The following ARAP1 variants were observed in gnomAD, a reference collection of about 807,000 sequenced individuals.
ARAP1 encodes arf-GAP with Rho-GAP domain, ANK repeat and PH domain-containing protein 1.
In ARAP1, 76 loss-of-function variants were observed where a neutral mutation model predicts 172.2. The ratio of observed to expected loss-of-function variants is 0.44; its 90% CI spans 0.37 to 0.53. The LOEUF is 0.53. Among genes scored for constraint, ARAP1 ranks in the 20% least tolerant of loss-of-function variants. The pLI is 0.00. For synonymous variants in ARAP1, 804 were observed against 803.3 expected (o/e 1.00, Z -0.01); for missense variants, 1,686 against 1,977.5 (o/e 0.85, Z 2.80).
chr11:72,688,642 C>T, intron 30 of ARAP1, 105 bp from the exon 31 acceptor site: 1 of 945,994 alleles, frequency 1.1e-6, no homozygotes. Flanking sequence ...GCCCTCTTTG[C>T]ATCCCAGCAC....
chr11:72,702,908 T>C lies in ARAP1; in HGVS notation c.2164A>G (p.Thr722Ala). The C allele has an allele frequency of 6.4e-7, 1 of 1,553,522 alleles. No homozygotes were observed. The highest frequency in any genetic ancestry group is 8.7e-7 in the Non-Finnish European group (1 of 1,148,116). Residue 722 changes from threonine to alanine, a missense_variant, in exon 15 of 35, where the codon ACA becomes GCA. Coordinates refer to ENST00000393609, the MANE Select transcript of ARAP1 (RefSeq NM_001040118.3). ...CCCCACCCTCTGCCACGCTCACCTGTGGTCCGGTTGTTCCGAAGGAATTCC... is the reference window on the plus strand; with the variant it reads ...CCCCACCCTCTGCCACGCTCACCTGCGGTCCGGTTGTTCCGAAGGAATTCC... ...QMEFLRNNRT[T>A]EVPRLDSMKP... is the part of the protein sequence containing the mutation.
Position 72,693,180 on chromosome 11 carries a change from T to G in ARAP1, c.3954+145A>C. 3 of 1,272,646 alleles carry G rather than the reference T, an allele frequency of 2.4e-6. No homozygotes were observed. Among genetic ancestry groups the G allele is most frequent in the Non-Finnish European group, 3.2e-6 (3 of 938,164 alleles). The allele number at this position is 1,272,646 out of a possible 1,614,324, so 78.8% of individuals were successfully genotyped here. A position where few individuals can be genotyped will look rare whatever the true frequency, so the allele number is the denominator to read the frequency against. On this transcript the variant is annotated intron_variant, in intron 29 of 34. Coordinates refer to ENST00000393609, the MANE Select transcript of ARAP1 (RefSeq NM_001040118.3). This position sits in a 1 kb window ranked among gnomAD's most constrained non-coding sequence, Gnocchi z 4.6. ...TCCAGGGCCACAGCAGGAGGGGTCTTGAGAGTCTACAGTTCTCCCCCACTG... is the reference window on the plus strand; with the variant it reads ...TCCAGGGCCACAGCAGGAGGGGTCTGGAGAGTCTACAGTTCTCCCCCACTG...
chr11:72,696,623 C>T lies in ARAP1; in HGVS notation c.3198G>A (p.Arg1066=). 6.2e-7 allele frequency: 1 copy of T among 1,605,266 alleles called. No individual in the cohort carries two copies. The highest frequency in any genetic ancestry group is 8.5e-7 in the Non-Finnish European group (1 of 1,174,536). ...EIEDEEEKVS[R]YRELLVRLPP... is the part of the protein sequence containing the mutation. ...GCAGCCGCACCAGCAGCTCTCGGTA[C>T]CTGGAGACCTTCTCCTCCTCGTCCT... The change falls in exon 23 of 35, where the codon AGG becomes AGA. Residue 1066 remains arginine, a synonymous_variant. Transcript: ENST00000393609.
At chr11:72,702,816 G>A in intron 15 of ARAP1, 89 bp downstream of exon 15, 1 of 1,469,526 alleles carries the variant, frequency 6.8e-7, no homozygotes, top group East Asian at 2.5e-5. Context: ...CCCTTGAGGA[G>A]CTGCGATCAC....
intron 33 of ARAP1, among the ~76,000 whole-genome samples, chr11:72,687,069 C>A (rs1052874977): frequency 6.6e-6 from 1 of 152,200 alleles, no homozygotes; most frequent in Non-Finnish European, 1.5e-5. Flanking sequence ...GAAGTCATCC[C>A]CCTCCTCTAT....
chr11:72,742,295 T>C (rs1858223720), intron 1 of ARAP1, among the ~76,000 whole-genome samples: 2 of 152,190 alleles, frequency 1.3e-5, no homozygotes, highest in South Asian at 4.1e-4. Context: ...CAAAAGGTCG[T>C]GTTTATGCAG....
At chr11:72,740,371 C>A (rs532945432) in intron 1 of ARAP1, among the ~76,000 whole-genome samples, 1 of 152,200 alleles carries the variant, frequency 6.6e-6, no homozygotes, top group Non-Finnish European at 1.5e-5. Context: ...CACTTTCAGG[C>A]CTCACGCTAA....
chr11:72,752,198 A>G (rs1483595644), intron 1 of ARAP1, 130 bp downstream of exon 1: 1 of 152,190 alleles, frequency 6.6e-6, no homozygotes, highest in African/African-American at 2.4e-5. Flanking sequence ...CCAAAAAGGT[A>G]AACAGACAAG....
chr11:72,694,317 C>T (rs988768550), intron 27 of ARAP1, among the ~76,000 whole-genome samples: 5 of 151,832 alleles, frequency 3.3e-5, no homozygotes, highest in Admixed American at 2.0e-4. Flanking sequence ...ACTAGCCCTC[C>T]GATGGTCTTG....
At chr11:72,696,453 C>T in intron 23 of ARAP1, 96 bp downstream of exon 23, 1 of 1,000,716 alleles carries the variant, frequency 1.0e-6, no homozygotes, top group Non-Finnish European at 1.4e-6. Flanking sequence ...GGTGCAAAAG[C>T]CCAGCTGGCT....
chr11:72,689,954 C>T (rs139577324), intron 30 of ARAP1, among the ~76,000 whole-genome samples: 1,957 of 152,240 alleles, frequency 0.013, 23 homozygotes, highest in South Asian at 0.037. Context: ...CTAGAGCAAT[C>T]GGCCTGCAAA....
chr11:72,697,987 A>G lies in ARAP1; in HGVS notation c.2661T>C (p.Ser887=), dbSNP rs893315570. ...GGAAGACAGCACGGAGCTCCGAGCC[A>G]CTGAGAGAGAACCAGCCCTCCTGGG... The part of the protein sequence containing the change: ...QRAQEGWFSL[S]GSELRAVFPE... The change falls in exon 19 of 35, where the codon AGT becomes AGC. Residue 887 remains serine (S), a synonymous_variant. Coordinates refer to ENST00000393609, the MANE Select transcript of ARAP1 (RefSeq NM_001040118.3). 16 of 1,612,280 alleles carry G rather than the reference A, an allele frequency of 9.9e-6. 1 individual carries two copies. The Admixed American group carries it at 2.0e-4, about 20-fold the overall frequency.
Position 72,710,989 on chromosome 11 carries a change from T to TAC in ARAP1, c.1213+30_1213+31dup, listed in dbSNP as rs745952731. The TAC allele has an allele frequency of 1.8e-5, 29 of 1,610,216 alleles. No homozygotes were observed. The South Asian group carries it at 1.9e-4, about 10-fold the overall frequency. ...ACTTCCAGTCTTCTCTACCCTCTTC[T>TAC]ACACACACACACAACACCCCACACT... On this transcript the variant is annotated intron_variant, in intron 9 of 34. Coordinates refer to ENST00000393609, the MANE Select transcript of ARAP1 (RefSeq NM_001040118.3). This position sits in a 1 kb window ranked among gnomAD's most constrained non-coding sequence, Gnocchi z 4.3.
chr11:72,751,481 T>C (rs1858529164), intron 1 of ARAP1, among the ~76,000 whole-genome samples: 1 of 151,956 alleles, frequency 6.6e-6, no homozygotes, highest in African/African-American at 2.4e-5. Context: ...CTGGGCAGTC[T>C]CTCCCAGCCT....
At chr11:72,721,724 AAGAGAAGGG>A (rs1395320238) in intron 3 of ARAP1, 1 of 855,442 alleles carries the variant, frequency 1.2e-6, no homozygotes. Flanking sequence ...AAGAGAAAAA[AAGAGAAGGG>A]GGAGGAGAGC....
chr11:72,703,125 C>T (rs1174781733), intron 14 of ARAP1, 46 bp from the exon 15 acceptor site: 1 of 1,481,240 alleles, frequency 6.8e-7, no homozygotes, highest in South Asian at 1.4e-5. Context: ...AGTAGGGGGC[C>T]CACAAGGAAA....
rs1417708246 is a variant in ARAP1 at position 72,685,577 on chromosome 11, G to T, written c.*87C>A. 2.0e-5 allele frequency: 32 copies of T among 1,568,746 alleles called. No individual in the cohort carries two copies. In the Admixed American group the frequency reaches 2.8e-4, roughly 14 times the overall value. On this transcript the variant is annotated 3_prime_UTR_variant, in exon 35 of 35. Transcript: ENST00000393609. ...GCAGTTTCCCATGCACCCCCCGCTG[G>T]CTCACATCAGGCCTTGGAGCATAAG...
chr11:72,724,990 G>A (rs1857641412), intron 3 of ARAP1, among the ~76,000 whole-genome samples: 1 of 152,130 alleles, frequency 6.6e-6, no homozygotes, highest in African/African-American at 2.4e-5. Flanking sequence ...TACCCAGCAA[G>A]CCTCCTGAAC....
At chr11:72,698,243 C>A (rs1332616563) in intron 18 of ARAP1, 137 bp from the exon 19 acceptor site, 7 of 1,076,490 alleles carry the variant, frequency 6.5e-6, no homozygotes, top group African/African-American at 3.2e-5. Flanking sequence ...CAGAACCAAG[C>A]CCAGTGATGG....
Sources: allele counts gnomAD v4.1 joint callset (sites outside exome capture counted in the v4.1 genomes callset), GRCh38; gene constraint gnomAD v4.1.1; non-coding constraint Gnocchi (gnomAD v3.1); transcripts MANE v1.5; gene names NCBI Gene and HGNC (gene_info 2026-07-23, HGNC 2026-07-21).